Variants in P4HA2 observed in about 807,000 individuals in gnomAD.
P4HA2 encodes prolyl 4-hydroxylase subunit alpha 2.
A neutral mutation model predicts 76.9 loss-of-function variants in P4HA2; 46 were observed. The ratio of observed to expected loss-of-function variants is 0.60; its 90% CI spans 0.47 to 0.76. P4HA2 has a LOEUF of 0.76. Among genes scored for constraint, P4HA2 ranks in the 30% least tolerant of loss-of-function variants. P4HA2 has a pLI of 0.00. For missense variants in P4HA2, 583 were observed against 669.4 expected (o/e 0.87, Z 1.42); for synonymous variants, 243 against 254.0 (o/e 0.96, Z 0.41).
Position 132,210,444 on chromosome 5 carries a change from A to C in P4HA2, c.549T>G (p.Tyr183Ter). ...GRSAYNEGDY[Y>*]HTVLWMEQVL... Reference sequence around the variant, plus strand: ...CCTGCTCCATCCACAACACCGTATGATAATAGTCCCCTTCATTGTAGGCCG... The same window carrying C: ...CCTGCTCCATCCACAACACCGTATGCTAATAGTCCCCTTCATTGTAGGCCG... Residue 183 changes from tyrosine to a stop codon, truncating the protein, a stop_gained, in exon 6 of 15, where the codon TAT becomes TAG. Coordinates refer to ENST00000360568, the MANE Select transcript of P4HA2 (RefSeq NM_001017974.2). LOFTEE classifies it high-confidence loss of function. 6.2e-7 allele frequency: 1 copy of C among 1,614,140 alleles called. No homozygotes were observed. The highest frequency in any genetic ancestry group is 2.2e-5 in the East Asian group (1 of 44,880).
intron 2 of P4HA2, 130 bp from the exon 3 acceptor site, chr5:132,217,978 A>C (rs919865272): frequency 1.7e-6 from 1 of 595,626 alleles, no homozygotes; most frequent in Non-Finnish European, 3.0e-6. Flanking sequence ...TCTGAGGATT[A>C]TGGGGACTTG....
chr5:132,204,184 T>A (rs1438640878), intron 8 of P4HA2, 32 bp from the exon 9 acceptor site: 1 of 1,461,742 alleles, frequency 6.8e-7, no homozygotes, highest in African/African-American at 1.4e-5. Context: ...AAGACTTGAT[T>A]TGTTTGTTTG....
intron 6 of P4HA2, among the ~76,000 whole-genome samples, chr5:132,209,977 G>A (rs935282693): frequency 2.0e-5 from 3 of 152,234 alleles, no homozygotes; most frequent in Admixed American, 1.3e-4. Context: ...ATGTAGTAAA[G>A]GTTCCACCCT....
At chr5:132,214,651 C>A (rs1221353872) in intron 4 of P4HA2, among the ~76,000 whole-genome samples, 1 of 152,108 alleles carries the variant, frequency 6.6e-6, no homozygotes, top group Non-Finnish European at 1.5e-5. Context: ...ATCCCCCTCC[C>A]CCTAGGTTGA....
chr5:132,205,998 G>A (rs544923489), intron 8 of P4HA2, among the ~76,000 whole-genome samples: 12 of 152,276 alleles, frequency 7.9e-5, no homozygotes, highest in Admixed American at 2.6e-4. Context: ...AGCCAGAATA[G>A]CATCTGTCCC....
chr5:132,192,019 C>G lies in P4HA2; in HGVS notation c.*991G>C, dbSNP rs1476374269. ...AGCCACATACCCAAAAATATTTACT[C>G]TCATTCTATTAGTAAAAGTTCAAAA... is the stretch of plus-strand genomic sequence containing the variant. On this transcript the variant is annotated 3_prime_UTR_variant, in exon 15 of 15. Coordinates refer to ENST00000360568, the MANE Select transcript of P4HA2 (RefSeq NM_001017974.2). The G allele has an allele frequency of 6.6e-6, 1 of 152,196 alleles. No individual in the cohort carries two copies. The highest frequency in any genetic ancestry group is 1.5e-5 in the Non-Finnish European group (1 of 68,040). The allele number at this position is 152,196 out of a possible 1,614,324, so 9.4% of individuals were successfully genotyped here.
chr5:132,194,455 T>G (rs1750304086), intron 14 of P4HA2, among the ~76,000 whole-genome samples: 1 of 152,220 alleles, frequency 6.6e-6, no homozygotes, highest in South Asian at 2.1e-4. Flanking sequence ...CTCTGCAGTT[T>G]GGTCCCAGCC....
chr5:132,220,079 G>A (rs551884751), intron 1 of P4HA2, among the ~76,000 whole-genome samples: 4 of 152,340 alleles, frequency 2.6e-5, no homozygotes, highest in African/African-American at 9.6e-5. Context: ...AGGGCGTATT[G>A]TGCTAAGGGG....
chr5:132,199,130 A>G (rs1751129635), intron 10 of P4HA2, among the ~76,000 whole-genome samples, 198 bp from the exon 11 acceptor site: 1 of 152,218 alleles, frequency 6.6e-6, no homozygotes, highest in Non-Finnish European at 1.5e-5. Flanking sequence ...TCTGTCCAAG[A>G]GTAAGGCTGC....
At position 132,213,917 on chromosome 5, in the gene P4HA2, T is replaced by C. The variant is rs1753478671; in HGVS notation, c.468A>G (p.Pro156=). ...GCAACGCCTGGAGTGGTGAGTTACCTGGAAGTTCCCCTCTGGAAATTGTGC... is the reference window on the plus strand; with the variant it reads ...GCAACGCCTGGAGTGGTGAGTTACCCGGAAGTTCCCCTCTGGAAATTGTGC... ...DPGTISRGEL[P]GTKYQAMLSV... is the part of the protein sequence containing the mutation. The change falls in exon 5 of 15, where the codon CCA becomes CCG. Residue 156 remains proline (P), a splice_region_variant and synonymous_variant. Coordinates refer to ENST00000360568, the MANE Select transcript of P4HA2 (RefSeq NM_001017974.2). The C allele has an allele frequency of 6.2e-7, 1 of 1,613,918 alleles. No individual in the cohort carries two copies. The highest frequency in any genetic ancestry group is 1.1e-5 in the South Asian group (1 of 91,082).
At chr5:132,224,963 T>C (rs986691825) in intron 1 of P4HA2, among the ~76,000 whole-genome samples, 16 of 148,922 alleles carry the variant, frequency 1.1e-4, no homozygotes, top group African/African-American at 3.7e-4. Context: ...CTTAATCCTC[T>C]GCCCTGCAAT....
intron 11 of P4HA2, among the ~76,000 whole-genome samples, 189 bp from the exon 12 acceptor site, chr5:132,198,569 G>T (rs770271084): frequency 6.6e-6 from 1 of 152,210 alleles, no homozygotes; most frequent in Admixed American, 6.5e-5. Context: ...AAAGGGACAA[G>T]AACAGTTTTC....
chr5:132,217,832 C>A lies in P4HA2; in HGVS notation c.99G>T (p.Leu33=). The A allele has an allele frequency of 6.2e-7, 1 of 1,610,740 alleles. No individual in the cohort carries two copies. The highest frequency in any genetic ancestry group is 1.1e-5 in the South Asian group (1 of 90,874). Residue 33 remains leucine, a synonymous_variant, in exon 3 of 15, where the codon CTG becomes CTT. Coordinates refer to ENST00000360568, the MANE Select transcript of P4HA2 (RefSeq NM_001017974.2). The part of the protein sequence containing the change: ...FFTSIGHMTD[L]IYAEKELVQS... Reference sequence around the variant, plus strand: ...GCACCAGCTCTTTCTCTGCATAAATCAGGTCAGTCATGTGCCCTGCAAGGG... The same window carrying A: ...GCACCAGCTCTTTCTCTGCATAAATAAGGTCAGTCATGTGCCCTGCAAGGG...
chr5:132,199,257 C>T (rs186819146), intron 10 of P4HA2, among the ~76,000 whole-genome samples: 27 of 152,330 alleles, frequency 1.8e-4, no homozygotes, highest in Middle Eastern at 3.4e-3. Flanking sequence ...CTGCTTGAGG[C>T]GGGCCCTGGC....
chr5:132,195,673 G>C lies in P4HA2; in HGVS notation c.1366-193C>G, dbSNP rs913480337. The C allele has an allele frequency of 1.5e-5, 9 of 618,098 alleles. No individual in the cohort carries two copies. In the African/African-American group the frequency reaches 1.5e-4, roughly 10 times the overall value. The allele number at this position is 618,098 out of a possible 1,614,324, so 38.3% of individuals were successfully genotyped here. A position where few individuals can be genotyped will look rare whatever the true frequency, so the allele number is the denominator to read the frequency against. On this transcript the variant is annotated intron_variant, in intron 12 of 14. Coordinates refer to ENST00000360568, the MANE Select transcript of P4HA2 (RefSeq NM_001017974.2). ...CCTACTTAACCAGTGTGATTCATTA[G>C]AACAGTCTCCATGTCATGAGTGTTC...
chr5:132,202,529 AC>A (rs1275725900), intron 10 of P4HA2: 1 of 152,186 alleles, frequency 6.6e-6, no homozygotes, highest in Non-Finnish European at 1.5e-5. Context: ...AAACAGAGAG[AC>A]CCAGAGGCCT....
intron 14 of P4HA2, chr5:132,193,635 A>AG (rs1750168354): frequency 1.3e-5 from 2 of 152,362 alleles, no homozygotes; most frequent in East Asian, 3.9e-4. Flanking sequence ...GTAGGGTGTG[A>AG]GGATGAGGAA....
Position 132,203,848 on chromosome 5 carries a change from C to G in P4HA2, c.1152-1G>C. 1 of 1,611,216 alleles carries G rather than the reference C, an allele frequency of 6.2e-7. No homozygotes were observed. Among genetic ancestry groups the G allele is most frequent in the Non-Finnish European group, 8.5e-7 (1 of 1,177,454 alleles). On this transcript the variant is annotated splice_acceptor_variant, in intron 9 of 14. Transcript: ENST00000360568. LOFTEE classifies it high-confidence loss of function. Reference sequence around the variant, plus strand: ...GTCATCATCTTCCTCTAGCCAGGAGCTGGGCAAAAAGAAAAGGGCAGAGAA... The same window carrying G: ...GTCATCATCTTCCTCTAGCCAGGAGGTGGGCAAAAAGAAAAGGGCAGAGAA...
intron 12 of P4HA2, among the ~76,000 whole-genome samples, chr5:132,196,847 G>A (rs1349383930): frequency 2.1e-5 from 3 of 139,740 alleles, no homozygotes; most frequent in African/African-American, 8.7e-5. Context: ...GGCAACAGAG[G>A]GAGAGTCTGT....
Sources: allele counts gnomAD v4.1 joint callset (sites outside exome capture counted in the v4.1 genomes callset), GRCh38; gene constraint gnomAD v4.1.1; transcripts MANE v1.5; gene names NCBI Gene and HGNC (gene_info 2026-07-23, HGNC 2026-07-21).